SCNN1D: variants seen among roughly 807,000 people sequenced by gnomAD.
SCNN1D encodes the protein epithelial sodium channel subunit delta.
A neutral mutation model predicts 87.8 loss-of-function variants in SCNN1D; 104 were observed. That is an observed-to-expected ratio of 1.18 (90% CI 1.01 to 1.39). The LOEUF is 1.39. Ranked by LOEUF, SCNN1D falls within the 40% of genes most tolerant of loss-of-function variation. SCNN1D has a pLI of 0.00. For synonymous variants in SCNN1D, 628 were observed against 481.2 expected (o/e 1.31, Z -3.99); for missense variants, 1,324 against 1,093.9 (o/e 1.21, Z -2.97).
chr1:1,282,011 G>T (rs1640479679), intron 3 of SCNN1D: 3 of 590,206 alleles, frequency 5.1e-6, no homozygotes, highest in Non-Finnish European at 6.2e-6. Context: ...TCCTCGGCAG[G>T]TGCGGCCCAC....
chr1:1,290,564 G>T lies in SCNN1D; in HGVS notation c.1859+9G>T. On this transcript the variant is annotated intron_variant, in intron 14 of 17. Coordinates refer to ENST00000379116, the MANE Select transcript of SCNN1D (RefSeq NM_001130413.4). ...TGCCCCAGGCCCTGCAGGTGAGACGGGGGTGTTGGGGTCGCGGCCAGGGAT... is the reference window on the plus strand; with the variant it reads ...TGCCCCAGGCCCTGCAGGTGAGACGTGGGTGTTGGGGTCGCGGCCAGGGAT... The T allele has an allele frequency of 6.2e-7, 1 of 1,612,594 alleles. No homozygotes were observed. Among genetic ancestry groups the T allele is most frequent in the Non-Finnish European group, 8.5e-7 (1 of 1,179,892 alleles).
intron 12 of SCNN1D, among the ~76,000 whole-genome samples, 164 bp from the exon 13 acceptor site, chr1:1,290,107 G>A (rs1352150906): frequency 6.4e-5 from 8 of 124,812 alleles, no homozygotes; most frequent in South Asian, 6.3e-4. Context: ...TCTCTGCTCC[G>A]TCCCGTGTCT....
intron 3 of SCNN1D, 135 bp downstream of exon 3, chr1:1,281,745 G>T: frequency 3.7e-6 from 3 of 814,270 alleles, no homozygotes; most frequent in Non-Finnish European, 3.7e-6. Context: ...GGGGTGCTCT[G>T]CCCCCGGCCA....
intron 4 of SCNN1D, among the ~76,000 whole-genome samples, chr1:1,283,740 C>T (rs940723247): frequency 6.6e-6 from 1 of 151,962 alleles, no homozygotes; most frequent in African/African-American, 2.4e-5. Context: ...AAGGAGGTCT[C>T]AGCCCAACAC....
intron 11 of SCNN1D, 45 bp from the exon 12 acceptor site, chr1:1,287,893 TG>T: frequency 5.3e-6 from 8 of 1,519,942 alleles, no homozygotes; most frequent in East Asian, 5.0e-5. Context: ...ACCTGGGCTT[TG>T]GGGGGTGAGG....
rs758872013 is a variant in SCNN1D at position 1,286,039 on chromosome 1, C to T, written c.672C>T (p.Leu224=). ...TGCCCGCCTCGTTCCGGGAGCTGCTCACCTTCTTCTGCACCAATGCCACCA... is the reference window on the plus strand; with the variant it reads ...TGCCCGCCTCGTTCCGGGAGCTGCTTACCTTCTTCTGCACCAATGCCACCA... The part of the protein sequence containing the change: ...VELPASFREL[L]TFFCTNATIH... The change falls in exon 7 of 18, where the codon CTC becomes CTT. Residue 224 remains leucine, a synonymous_variant. Transcript: ENST00000379116. 2.2e-5 allele frequency: 35 copies of T among 1,578,024 alleles called. No homozygotes were observed. The highest frequency in any genetic ancestry group is 2.8e-5 in the Non-Finnish European group (33 of 1,162,202).
Position 1,291,062 on chromosome 1 carries a change from C to T in SCNN1D, c.1977-3C>T. Reference sequence around the variant, plus strand: ...GCGCCCTCATGCCTCTATCCTGCCCCAGGAGCAGCCTGGCCAAAATCAACA... The same window carrying T: ...GCGCCCTCATGCCTCTATCCTGCCCTAGGAGCAGCCTGGCCAAAATCAACA... On this transcript the variant is annotated splice_polypyrimidine_tract_variant and splice_region_variant and intron_variant, in intron 16 of 17. Transcript: ENST00000379116. 1 of 1,611,838 alleles carries T rather than the reference C, an allele frequency of 6.2e-7. No homozygotes were observed. Among genetic ancestry groups the T allele is most frequent in the South Asian group, 1.1e-5 (1 of 90,904 alleles).
chr1:1,287,352 C>G, intron 9 of SCNN1D, 53 bp downstream of exon 9: 1 of 1,510,934 alleles, frequency 6.6e-7, no homozygotes, highest in Non-Finnish European at 8.9e-7. Flanking sequence ...CAGAGCGTGG[C>G]CGCACCCCTG....
In SCNN1D at chr1:1,291,272, GC is replaced by G; in HGVS notation, c.2073del (p.Met692TrpfsTer33). ...CCCGCAGGTGCCGCAGCTGCTCTCG[GC>G]CATGGGCAGCCTCTGCAGCCTGTGG... ...PVYSVPQLLS[A>X]MGSLCSLWFG... On this transcript the variant is annotated frameshift_variant, in exon 18 of 18. Transcript: ENST00000379116. LOFTEE classifies it low-confidence loss of function (END_TRUNC). The G allele has an allele frequency of 1.9e-6, 3 of 1,561,914 alleles. No individual in the cohort carries two copies. The South Asian group carries it at 3.6e-5, about 19-fold the overall frequency.
Position 1,291,645 on chromosome 1 carries a change from T to A in SCNN1D, c.*35T>A, listed in dbSNP as rs13306641. On this transcript the variant is annotated 3_prime_UTR_variant, in exon 18 of 18. Coordinates refer to ENST00000379116, the MANE Select transcript of SCNN1D (RefSeq NM_001130413.4). ...GCCAGGGCTGTGCGATCTCTTGGCC[T>A]GGTCCTTGCAGCTGTGGCAGCAGCA... 6.9e-7 allele frequency: 1 copy of A among 1,444,910 alleles called. No individual in the cohort carries two copies. Among genetic ancestry groups the A allele is most frequent in the East Asian group, 2.4e-5 (1 of 41,600 alleles). The allele number at this position is 1,444,910 out of a possible 1,614,324, so 89.5% of individuals were successfully genotyped here.
At chr1:1,285,439 G>A in intron 5 of SCNN1D, 132 bp from the exon 6 acceptor site, 1 of 612,174 alleles carries the variant, frequency 1.6e-6, no homozygotes, top group Non-Finnish European at 2.8e-6. Context: ...GCCTGGCACA[G>A]TCGGTCCTCA....
rs773070635 is a variant in SCNN1D at position 1,291,752 on chromosome 1, T to C, written c.*142T>C. 4.0e-4 allele frequency: 232 copies of C among 586,716 alleles called. No individual in the cohort carries two copies. The highest frequency in any genetic ancestry group is 5.3e-4 in the Non-Finnish European group (187 of 355,896). 36.3% of individuals were successfully genotyped at this position (586,716 alleles called of 1,614,324 possible). ...GCCGTGGGGAGGCAGGCACCGGGCATGTCGGCGCCTCTGGTCAAACCACCT... is the reference window on the plus strand; with the variant it reads ...GCCGTGGGGAGGCAGGCACCGGGCACGTCGGCGCCTCTGGTCAAACCACCT... On this transcript the variant is annotated 3_prime_UTR_variant, in exon 18 of 18. Transcript: ENST00000379116.
rs11807158 is a variant in SCNN1D, at chr1:1,291,816, A to G, written c.*206A>G. On this transcript the variant is annotated 3_prime_UTR_variant, in exon 18 of 18. Transcript: ENST00000379116. Reference sequence around the variant, plus strand: ...TGGGTCTCAAGGAGGCCCGGGGCGGAGGGGGGTTCCCGCGTGCACACGAGT... The same window carrying G: ...TGGGTCTCAAGGAGGCCCGGGGCGGGGGGGGGTTCCCGCGTGCACACGAGT... The G allele has an allele frequency of 0.019, 8,821 of 459,764 alleles. 769 individuals are homozygous for G. The highest frequency in any genetic ancestry group is 0.17 in the African/African-American group (8,046 of 47,848). 28.5% of individuals were successfully genotyped at this position (459,764 alleles called of 1,614,324 possible).
chr1:1,285,935 C>A lies in SCNN1D; in HGVS notation c.568C>A (p.Gln190Lys). 6.5e-7 allele frequency: 1 copy of A among 1,548,302 alleles called. No homozygotes were observed. Among genetic ancestry groups the A allele is most frequent in the Non-Finnish European group, 8.7e-7 (1 of 1,145,236 alleles). ...AACKQGQAAAQTPPRPGPPSA... is the reference protein window; with the variant it reads ...AACKQGQAAAKTPPRPGPPSA... ...GCCACTCTGCACACAGGCTGCAGCC[C>A]AGACGCCCCCCAGGCCGGGGCCACC... Residue 190 changes from glutamine (Q) to lysine (K), a missense_variant, in exon 7 of 18, where the codon CAG (glutamine) becomes AAG (lysine). Transcript: ENST00000379116.
In SCNN1D at chr1:1,286,994, G is replaced by T; in HGVS notation, c.1119+19G>T. 1 of 1,606,662 alleles carries T rather than the reference G, an allele frequency of 6.2e-7. No homozygotes were observed. The highest frequency in any genetic ancestry group is 8.5e-7 in the Non-Finnish European group (1 of 1,175,986). ...CAGACTGGTGAGTGTCCCAGCCGGG[G>T]CCTGCAGCCATCAGGGCCTTGAGCT... On this transcript the variant is annotated intron_variant, in intron 8 of 17. Coordinates refer to ENST00000379116, the MANE Select transcript of SCNN1D (RefSeq NM_001130413.4).
At chr1:1,283,165 A>G (rs114864479) in intron 4 of SCNN1D, among the ~76,000 whole-genome samples, 2,900 of 152,214 alleles carry the variant, frequency 0.019, 86 homozygotes, top group African/African-American at 0.064. Context: ...GGTGGCAGCT[A>G]TAGTGTCCAG....
intron 12 of SCNN1D, among the ~76,000 whole-genome samples, chr1:1,288,280 A>T (rs868398891): frequency 0.15 from 3,138 of 21,354 alleles, 208 homozygotes; most frequent in African/African-American, 0.47. Flanking sequence ...CCGTCCCCCG[A>T]GTCTCTGCTC....
intron 15 of SCNN1D, 89 bp downstream of exon 15, chr1:1,290,783 C>G: frequency 6.3e-7 from 1 of 1,582,296 alleles, no homozygotes; most frequent in Non-Finnish European, 8.6e-7. Flanking sequence ...AGGGCAGGGC[C>G]GGAACTGACC....
chr1:1,289,827 G>A (rs868300538), intron 12 of SCNN1D, among the ~76,000 whole-genome samples: 2 of 5,482 alleles, frequency 3.6e-4, no homozygotes, highest in Non-Finnish European at 5.4e-4. Flanking sequence ...TCCGTCCCCC[G>A]TGTCTCTGCC....
Sources: gnomAD v4.1 joint callset for allele counts (sites outside exome capture counted in the v4.1 genomes callset) on GRCh38, gnomAD v4.1.1 for gene constraint, MANE v1.5 for transcripts, NCBI Gene and HGNC (gene_info 2026-07-23, HGNC 2026-07-21) for gene names.